The following PTPRK variants were observed in gnomAD, a reference collection of about 807,000 sequenced individuals.
PTPRK encodes protein tyrosine phosphatase receptor type K.
In PTPRK, 75 loss-of-function variants were observed where a neutral mutation model predicts 178.0. The observed-to-expected ratio is 0.42, with a 90% CI of 0.35 to 0.51. PTPRK has a LOEUF of 0.51. Ranked by LOEUF, PTPRK falls within the 20% of genes least tolerant of loss-of-function variation. The pLI is 0.02. For synonymous variants in PTPRK, 637 were observed against 620.6 expected, an observed-to-expected ratio of 1.03 and a Z score of -0.39; for missense variants, 1,441 against 1,797.8, an observed-to-expected ratio of 0.80 and a Z score of 3.59.
intron 7 of PTPRK, among the ~76,000 whole-genome samples, chr6:128,124,234 G>T (rs1792960329): frequency 6.6e-6 from 1 of 151,914 alleles, no homozygotes; most frequent in Non-Finnish European, 1.5e-5. Flanking sequence ...AGTAGAGACA[G>T]GGTTTCGCCA....
chr6:127,970,601 G>T (rs934152016), intron 29 of PTPRK, among the ~76,000 whole-genome samples: 3 of 151,776 alleles, frequency 2.0e-5, no homozygotes, highest in Admixed American at 2.0e-4. Flanking sequence ...CAAATATAAA[G>T]AATATACACA....
chr6:128,337,947 G>C (rs1459713994), intron 2 of PTPRK, among the ~76,000 whole-genome samples: 1 of 152,154 alleles, frequency 6.6e-6, no homozygotes, highest in African/African-American at 2.4e-5. Context: ...GAATAAAAGA[G>C]ACTGAAAGTT....
At chr6:128,482,874 G>GTTC (rs142917531) in intron 1 of PTPRK, among the ~76,000 whole-genome samples, 2,479 of 152,252 alleles carry the variant, frequency 0.016, 31 homozygotes, top group Non-Finnish European at 0.026. Flanking sequence ...CCAATGAAGA[G>GTTC]TTATTATTCC....
chr6:128,499,209 CAA>C (rs923346439), intron 1 of PTPRK, among the ~76,000 whole-genome samples: 13 of 151,026 alleles, frequency 8.6e-5, no homozygotes, highest in Admixed American at 4.6e-4. Context: ...AAAGAAGAAA[CAA>C]AAGACTGTGT....
chr6:128,428,563 A>T (rs1584672896), intron 1 of PTPRK, among the ~76,000 whole-genome samples: 1 of 152,322 alleles, frequency 6.6e-6, no homozygotes, highest in East Asian at 1.9e-4. Context: ...AACTAGGATG[A>T]CTGGAAGAAA....
At chr6:128,172,886 C>T (rs1157525933) in intron 7 of PTPRK, among the ~76,000 whole-genome samples, 1 of 151,836 alleles carries the variant, frequency 6.6e-6, no homozygotes, top group Non-Finnish European at 1.5e-5. Flanking sequence ...AATGGGCACA[C>T]CAGCACTGCT....
At chr6:128,207,018 A>AT (rs1475156514) in intron 6 of PTPRK, among the ~76,000 whole-genome samples, 4 of 152,182 alleles carry the variant, frequency 2.6e-5, no homozygotes, top group Non-Finnish European at 4.4e-5. Flanking sequence ...GCTGCCAAAA[A>AT]TCTGGGTTGC....
chr6:128,410,826 C>T (rs372331938), intron 1 of PTPRK, among the ~76,000 whole-genome samples: 19 of 152,148 alleles, frequency 1.2e-4, no homozygotes, highest in Non-Finnish European at 2.5e-4. Context: ...GACTTCCTGC[C>T]CAATCACTAA....
chr6:128,499,209 CAAA>C (rs923346439), intron 1 of PTPRK, among the ~76,000 whole-genome samples: 5 of 151,136 alleles, frequency 3.3e-5, no homozygotes, highest in South Asian at 2.1e-4. Flanking sequence ...AAAGAAGAAA[CAAA>C]AGACTGTGTA....
chr6:128,270,711 A>G (rs1819671536), intron 3 of PTPRK, among the ~76,000 whole-genome samples: 1 of 152,154 alleles, frequency 6.6e-6, no homozygotes, highest in Admixed American at 6.6e-5. Context: ...CTTAACTTTT[A>G]GAATGTATTT....
chr6:128,228,003 G>T (rs1811646694), intron 5 of PTPRK, among the ~76,000 whole-genome samples: 1 of 151,762 alleles, frequency 6.6e-6, no homozygotes, highest in Non-Finnish European at 1.5e-5. Context: ...AACATTAGGA[G>T]AAATACCTAA....
intron 1 of PTPRK, among the ~76,000 whole-genome samples, chr6:128,463,714 C>G (rs924735952): frequency 6.7e-6 from 1 of 148,258 alleles, no homozygotes; most frequent in Admixed American, 6.7e-5. Context: ...AATAATTCAG[C>G]CTTCTCTATA....
chr6:128,035,276 G>C (rs1776021312), intron 13 of PTPRK, among the ~76,000 whole-genome samples: 1 of 152,158 alleles, frequency 6.6e-6, no homozygotes, highest in South Asian at 2.1e-4. Flanking sequence ...TGAGGTGGGA[G>C]AATCGCTTGA....
chr6:128,196,727 A>G (rs1326876046), intron 6 of PTPRK, among the ~76,000 whole-genome samples: 2 of 152,158 alleles, frequency 1.3e-5, no homozygotes, highest in Non-Finnish European at 2.9e-5. Context: ...TACTGTTCCT[A>G]AGTAACAAGA....
At chr6:128,380,547 C>CAA (rs1470914905) in intron 2 of PTPRK, among the ~76,000 whole-genome samples, 3 of 147,560 alleles carry the variant, frequency 2.0e-5, no homozygotes, top group African/African-American at 7.6e-5. Flanking sequence ...CATACACACA[C>CAA]ACACACGTGT....
chr6:128,192,287 A>G (rs1486405048), intron 6 of PTPRK, among the ~76,000 whole-genome samples: 1 of 152,188 alleles, frequency 6.6e-6, no homozygotes, highest in Non-Finnish European at 1.5e-5. Context: ...CACCAAAAGC[A>G]AAAGAAAACA....
At chr6:128,244,362 T>C (rs921517889) in intron 3 of PTPRK, among the ~76,000 whole-genome samples, 14 of 152,068 alleles carry the variant, frequency 9.2e-5, no homozygotes, top group African/African-American at 2.9e-4. Flanking sequence ...GTTAAAGTGA[T>C]TGGTGAGTAA....
In PTPRK at chr6:128,086,212, G is replaced by A. The variant is rs138699232; in HGVS notation, c.1466-2388C>T. 1.4e-3 allele frequency among the ~76,000 whole-genome samples: 217 copies of A among 152,204 alleles called. 1 individual carries two copies. Among genetic ancestry groups the A allele is most frequent in the African/African-American group, 5.1e-3 (210 of 41,544 alleles). Reference sequence around the variant, plus strand: ...TATAACTCTCAAAATGGAAAAGAGAGTGGAAATAAAATATGGGTGGGGCAA... The same window carrying A: ...TATAACTCTCAAAATGGAAAAGAGAATGGAAATAAAATATGGGTGGGGCAA... On this transcript the variant is annotated intron_variant, in intron 8 of 29. Transcript: ENST00000368226.
intron 1 of PTPRK, among the ~76,000 whole-genome samples, chr6:128,449,820 G>C (rs1847524309): frequency 6.6e-6 from 1 of 152,050 alleles, no homozygotes; most frequent in African/African-American, 2.4e-5. Flanking sequence ...AGCTGGCTGG[G>C]TGCGGTGGCT....
Sources: gnomAD v4.1 joint callset for allele counts (sites outside exome capture counted in the v4.1 genomes callset) on GRCh38, gnomAD v4.1.1 for gene constraint, MANE v1.5 for transcripts, NCBI Gene and HGNC (gene_info 2026-07-23, HGNC 2026-07-21) for gene names.